C12orf42: variants seen among roughly 807,000 people sequenced by gnomAD.
The protein encoded by C12orf42 is chromosome 12 open reading frame 42, also known as uncharacterized protein C12orf42.
A neutral mutation model predicts 21.6 loss-of-function variants in C12orf42; 25 were observed. The ratio of observed to expected loss-of-function variants is 1.16; its 90% CI spans 0.84 to 1.62. The LOEUF is 1.62. C12orf42 is among the 40% of genes most tolerant of loss of function. The pLI is 0.00. For missense variants in C12orf42, 483 were observed against 459.3 expected, an observed-to-expected ratio of 1.05 and a Z score of -0.47; for synonymous variants, 174 against 175.0, an observed-to-expected ratio of 0.99 and a Z score of 0.05.
the C12orf42 span, among the ~76,000 whole-genome samples, chr12:103,145,422 A>T: frequency 6.6e-6 from 1 of 152,192 alleles, no homozygotes; most frequent in Non-Finnish European, 1.5e-5. Flanking sequence ...TTTGAAAAAG[A>T]TGAACTAAAA....
chr12:103,276,291 A>G (rs1470764721), intron 5 of C12orf42, among the ~76,000 whole-genome samples: 1 of 152,160 alleles, frequency 6.6e-6, no homozygotes, highest in African/African-American at 2.4e-5. Context: ...AAAACTTTTC[A>G]CTCATTTTCT....
At chr12:103,276,183 G>C (rs2035762414) in intron 5 of C12orf42, among the ~76,000 whole-genome samples, 1 of 152,068 alleles carries the variant, frequency 6.6e-6, no homozygotes, top group African/African-American at 2.4e-5. Context: ...TTAATGTCAA[G>C]GTAATATGTT....
intron 4 of C12orf42, among the ~76,000 whole-genome samples, chr12:103,360,103 C>T (rs1439027289): frequency 6.7e-6 from 1 of 149,772 alleles, no homozygotes; most frequent in African/African-American, 2.5e-5. Flanking sequence ...TCTCTAACTG[C>T]TGCTAGATAT....
the C12orf42 span, among the ~76,000 whole-genome samples, chr12:103,528,480 AC>A: frequency 6.6e-6 from 1 of 151,766 alleles, no homozygotes; most frequent in East Asian, 1.9e-4. Flanking sequence ...ATGGAGGGGG[AC>A]CCCTCATGAA....
At chr12:103,308,276 C>T (rs2038577885) in intron 4 of C12orf42, among the ~76,000 whole-genome samples, 1 of 151,996 alleles carries the variant, frequency 6.6e-6, no homozygotes, top group Admixed American at 6.6e-5. Context: ...TATAGTGCAA[C>T]ATAAAAGTAT....
the C12orf42 span, among the ~76,000 whole-genome samples, chr12:103,058,813 T>C: frequency 3.9e-5 from 6 of 152,130 alleles, no homozygotes; most frequent in Admixed American, 3.9e-4. Flanking sequence ...CCAGAATCTC[T>C]TGGACACGGC....
chr12:103,506,312 C>T, the C12orf42 span: 1 of 136,322 alleles, frequency 7.3e-6, no homozygotes. Flanking sequence ...CCACCACCCC[C>T]CCACACACAC....
the C12orf42 span, among the ~76,000 whole-genome samples, chr12:103,506,795 G>T: frequency 1.8e-5 from 2 of 111,168 alleles, no homozygotes; most frequent in East Asian, 2.4e-4. Flanking sequence ...GTGGTCTCTG[G>T]GTGATGTATC....
chr12:103,482,929 T>C (rs1390003071), intron 1 of C12orf42, among the ~76,000 whole-genome samples: 1 of 152,178 alleles, frequency 6.6e-6, no homozygotes, highest in Non-Finnish European at 1.5e-5. Flanking sequence ...TTAAATATAT[T>C]TCTATAAGTT....
the C12orf42 span, among the ~76,000 whole-genome samples, chr12:103,103,935 G>A: frequency 5.9e-5 from 9 of 151,846 alleles, no homozygotes; most frequent in Admixed American, 5.2e-4. Flanking sequence ...CAAGTAGCTG[G>A]GATTACAGGC....
At chr12:103,236,914 G>A (rs1009246505), downstream of C12orf42, among the ~76,000 whole-genome samples, 4 of 152,148 alleles carry the variant, frequency 2.6e-5, no homozygotes, top group Non-Finnish European at 5.9e-5. Flanking sequence ...TCACAAAAAG[G>A]ACTATAGACC....
At chr12:103,346,472 G>A (rs1005931222) in intron 4 of C12orf42, among the ~76,000 whole-genome samples, 4 of 152,120 alleles carry the variant, frequency 2.6e-5, no homozygotes, top group Non-Finnish European at 5.9e-5. Context: ...ACCAGCACAG[G>A]TATATACTGT....
the C12orf42 span, among the ~76,000 whole-genome samples, chr12:103,191,740 G>A: frequency 3.9e-5 from 1 of 25,446 alleles, no homozygotes; most frequent in Non-Finnish European, 6.8e-5. Context: ...GGGACTCTGT[G>A]TCTAAAAAAA....
chr12:103,542,790 T>C, the C12orf42 span, among the ~76,000 whole-genome samples: 2 of 152,216 alleles, frequency 1.3e-5, no homozygotes, highest in Admixed American at 6.5e-5. Context: ...CCTCCAAATA[T>C]CACCTCTTTG....
intron 5 of C12orf42, among the ~76,000 whole-genome samples, chr12:103,305,110 CAAAT>C (rs985726171): frequency 1.3e-5 from 2 of 152,138 alleles, no homozygotes; most frequent in African/African-American, 4.8e-5. Context: ...AAAAAACTCA[CAAAT>C]AATCTCGTGT....
chr12:103,463,548 C>T (rs1952886018), intron 2 of C12orf42, among the ~76,000 whole-genome samples: 1 of 152,164 alleles, frequency 6.6e-6, no homozygotes. Flanking sequence ...AGCCCTAAAA[C>T]TTTCCATTGT....
upstream of C12orf42, among the ~76,000 whole-genome samples, chr12:103,500,808 A>G (rs943345915): frequency 1.3e-5 from 2 of 152,236 alleles, no homozygotes; most frequent in African/African-American, 4.8e-5. Flanking sequence ...TCAACTGTTT[A>G]TGTCAAATTG....
chr12:103,081,941 C>G, the C12orf42 span, among the ~76,000 whole-genome samples: 1 of 152,130 alleles, frequency 6.6e-6, no homozygotes, highest in African/African-American at 2.4e-5. Context: ...ACTCTTATTA[C>G]TAAACACAAA....
At chr12:103,191,570 A>AAAAAAAAAAAAAAC in the C12orf42 span, among the ~76,000 whole-genome samples, 13 of 129,126 alleles carry the variant, frequency 1.0e-4, no homozygotes, top group African/African-American at 3.8e-4. Context: ...AAAAAAAAAA[A>AAAAAAAAAAAAAAC]AAAATACAAA....
Sources: allele counts gnomAD v4.1 joint callset (sites outside exome capture counted in the v4.1 genomes callset), GRCh38; gene constraint gnomAD v4.1.1; transcripts MANE v1.5; gene names NCBI Gene and HGNC (gene_info 2026-07-23, HGNC 2026-07-21).